GNL2: variants seen among roughly 807,000 people sequenced by gnomAD.
GNL2 encodes G protein nucleolar 2.
A neutral mutation model predicts 92.3 loss-of-function variants in GNL2; 51 were observed. The observed-to-expected ratio is 0.55, with a 90% CI of 0.44 to 0.70. GNL2 has a LOEUF of 0.70. Ranked by LOEUF, GNL2 falls within the 30% of genes least tolerant of loss-of-function variation. The probability of loss-of-function intolerance (pLI) is 0.00; values close to 1 mark genes in which losing one functional copy is unlikely to be tolerated. For synonymous variants in GNL2, 283 were observed against 300.6 expected, an observed-to-expected ratio of 0.94 and a Z score of 0.61; for missense variants, 844 against 895.6, an observed-to-expected ratio of 0.94 and a Z score of 0.74.
chr1:37,571,488 G>A (rs1557637462), intron 12 of GNL2, among the ~76,000 whole-genome samples: 3 of 152,132 alleles, frequency 2.0e-5, no homozygotes, highest in African/African-American at 7.2e-5. Flanking sequence ...AGAGAAACGG[G>A]ATCTGCATGA....
chr1:37,582,654 G>A, intron 7 of GNL2, 124 bp downstream of exon 7: 1 of 839,814 alleles, frequency 1.2e-6, no homozygotes. Context: ...ACACTTTCGT[G>A]TTTCCAATGA....
chr1:37,587,294 C>CAAA lies in GNL2; in HGVS notation c.569+14_569+16dup. On this transcript the variant is annotated intron_variant, in intron 5 of 15. Coordinates refer to ENST00000373062, the MANE Select transcript of GNL2 (RefSeq NM_013285.3). Reference sequence around the variant, plus strand: ...AAAAAAAAAAACAAAAACAAAGAAGCAAAAAAAAAAATGTACCTCACACCA... The same window carrying CAAA: ...AAAAAAAAAAACAAAAACAAAGAAGCAAAAAAAAAAAAAATGTACCTCACACCA... The CAAA allele has an allele frequency of 4.4e-6, 5 of 1,138,038 alleles. No individual in the cohort carries two copies. Among genetic ancestry groups the CAAA allele is most frequent in the South Asian group, 1.7e-5 (1 of 59,292 alleles). The allele number at this position is 1,138,038 out of a possible 1,614,324, so 70.5% of individuals were successfully genotyped here. A position where few individuals can be genotyped will look rare whatever the true frequency, so the allele number is the denominator to read the frequency against.
chr1:37,568,182 G>C, intron 14 of GNL2, 93 bp downstream of exon 14: 1 of 755,914 alleles, frequency 1.3e-6, no homozygotes, highest in East Asian at 2.5e-5. Flanking sequence ...ACATTTATGT[G>C]GATGACTGAG....
chr1:37,577,213 G>A (rs1643692280), intron 8 of GNL2, among the ~76,000 whole-genome samples: 1 of 151,958 alleles, frequency 6.6e-6, no homozygotes. Flanking sequence ...ATATGAACAG[G>A]TTCATCAACT....
Position 37,575,532 on chromosome 1 carries a change from C to T in GNL2, c.1143+63G>A, listed in dbSNP as rs950853116. 1.1e-6 allele frequency: 1 copy of T among 932,844 alleles called. No individual in the cohort carries two copies. The allele number at this position is 932,844 out of a possible 1,614,324, so 57.8% of individuals were successfully genotyped here. ...CTTAATAAGTAAAAAGGAAAGGTATCCAGGGTTCCCTATAGAACACTCCCC... is the reference window on the plus strand; with the variant it reads ...CTTAATAAGTAAAAAGGAAAGGTATTCAGGGTTCCCTATAGAACACTCCCC... On this transcript the variant is annotated intron_variant, in intron 10 of 15. Transcript: ENST00000373062. This position sits in a 1 kb window ranked among gnomAD's most constrained non-coding sequence, Gnocchi z 4.1.
rs1643669698 is a variant in GNL2 at position 37,575,868 on chromosome 1, A to G, written c.1039-169T>C. On this transcript the variant is annotated intron_variant, in intron 9 of 15. Transcript: ENST00000373062. This position sits in a 1 kb window ranked among gnomAD's most constrained non-coding sequence, Gnocchi z 4.1. Reference sequence around the variant, plus strand: ...CTCTCTCATCTGTGCCGTGCACAAGATACTTCCACTAAGTGTAAACTATAG... The same window carrying G: ...CTCTCTCATCTGTGCCGTGCACAAGGTACTTCCACTAAGTGTAAACTATAG... 6.6e-6 allele frequency among the ~76,000 whole-genome samples: 1 copy of G among 152,242 alleles called. No homozygotes were observed. The highest frequency in any genetic ancestry group is 2.4e-5 in the African/African-American group (1 of 41,450).
chr1:37,575,763 CCT>C lies in GNL2; in HGVS notation c.1039-66_1039-65del. The C allele has an allele frequency of 1.0e-6, 1 of 998,180 alleles. No homozygotes were observed. Among genetic ancestry groups the C allele is most frequent in the Non-Finnish European group, 1.5e-6 (1 of 656,182 alleles). 61.8% of individuals were successfully genotyped at this position (998,180 alleles called of 1,614,324 possible). A position where few individuals can be genotyped will look rare whatever the true frequency, so the allele number is the denominator to read the frequency against. On this transcript the variant is annotated intron_variant, in intron 9 of 15. Transcript: ENST00000373062. The surrounding 1 kb of genome is among the most constrained non-coding windows in gnomAD (Gnocchi z 4.1). ...CACTAAGAGTCTAATTTCACAAACC[CCT>C]GATGCTCATGTATGAAGCTGGAAAG...
At chr1:37,586,600 C>CA (rs1643853768) in intron 5 of GNL2, among the ~76,000 whole-genome samples, 1 of 152,214 alleles carries the variant, frequency 6.6e-6, no homozygotes, top group Non-Finnish European at 1.5e-5. Flanking sequence ...TCCATTAACT[C>CA]AGAGACCTCC....
chr1:37,593,228 C>T (rs1332489632), intron 2 of GNL2, among the ~76,000 whole-genome samples: 1 of 152,168 alleles, frequency 6.6e-6, no homozygotes, highest in Non-Finnish European at 1.5e-5. Flanking sequence ...AGTTCTTTGA[C>T]ATTTGTATTT....
intron 7 of GNL2, 126 bp downstream of exon 7, chr1:37,582,652 G>T: frequency 1.2e-6 from 1 of 818,416 alleles, no homozygotes; most frequent in Non-Finnish European, 1.9e-6. Context: ...GCACACTTTC[G>T]TGTTTCCAAT....
intron 1 of GNL2, 27 bp from the exon 2 acceptor site, chr1:37,593,873 A>G: frequency 6.5e-7 from 1 of 1,531,932 alleles, no homozygotes; most frequent in Non-Finnish European, 9.0e-7. Flanking sequence ...TACACAGTGC[A>G]CTATTTGATA....
chr1:37,568,898 A>G lies in GNL2; in HGVS notation c.1821T>C (p.Tyr607=). ...CTTTGGCTTTGTCTAGAAACTTCTG[A>G]TATTTGGCAATCTTCTCATCCAGTG... is the stretch of plus-strand genomic sequence containing the variant. The part of the protein sequence containing the change: ...IKALDEKIAK[Y]QKFLDKAKAK... The change falls in exon 13 of 16, where the codon TAT becomes TAC. Residue 607 remains tyrosine, a synonymous_variant. Transcript: ENST00000373062. 1 of 1,614,126 alleles carries G rather than the reference A, an allele frequency of 6.2e-7. No homozygotes were observed. Among genetic ancestry groups the G allele is most frequent in the Non-Finnish European group, 8.5e-7 (1 of 1,180,014 alleles).
At position 37,575,842 on chromosome 1, in the gene GNL2, A is replaced by T; in HGVS notation, c.1039-143T>A. 1 of 580,772 alleles carries T rather than the reference A, an allele frequency of 1.7e-6. No homozygotes were observed. Among genetic ancestry groups the T allele is most frequent in the Non-Finnish European group, 3.0e-6 (1 of 329,380 alleles). The allele number at this position is 580,772 out of a possible 1,614,324, so 36.0% of individuals were successfully genotyped here. A position where few individuals can be genotyped will look rare whatever the true frequency, so the allele number is the denominator to read the frequency against. ...AACGCGCTAAGTAATTAAGCTACTA[A>T]CTCTCTCATCTGTGCCGTGCACAAG... On this transcript the variant is annotated intron_variant, in intron 9 of 15. Coordinates refer to ENST00000373062, the MANE Select transcript of GNL2 (RefSeq NM_013285.3). This position sits in a 1 kb window ranked among gnomAD's most constrained non-coding sequence, Gnocchi z 4.1.
chr1:37,573,439 C>T (rs1643626112), intron 12 of GNL2, among the ~76,000 whole-genome samples: 1 of 152,328 alleles, frequency 6.6e-6, no homozygotes. Flanking sequence ...CTTGTGGCGG[C>T]CCACTGCCAG....
Position 37,593,794 on chromosome 1 carries a change from C to A in GNL2, c.117G>T (p.Arg39=). The A allele has an allele frequency of 6.2e-7, 1 of 1,614,094 alleles. No homozygotes were observed. Among genetic ancestry groups the A allele is most frequent in the Non-Finnish European group, 8.5e-7 (1 of 1,179,986 alleles). ...GQNMRDRATI[R]RLNMYRQKER... is the part of the protein sequence containing the mutation. The stretch of plus-strand genomic sequence containing the variant: ...CCTTTTGCCTATACATATTCAGGCG[C>A]CGGATGGTGGCCCGGTCCCTCATGT... Residue 39 remains arginine, a synonymous_variant, in exon 2 of 16, where the codon CGG becomes CGT. Transcript: ENST00000373062.
intron 5 of GNL2, among the ~76,000 whole-genome samples, chr1:37,586,258 C>G (rs1330472720): frequency 6.6e-6 from 1 of 152,198 alleles, no homozygotes; most frequent in Non-Finnish European, 1.5e-5. Flanking sequence ...TTCTGAGTAG[C>G]TGGGACTCTA....
At chr1:37,582,394 G>T in intron 7 of GNL2, 58 bp from the exon 8 acceptor site, 1 of 978,154 alleles carries the variant, frequency 1.0e-6, no homozygotes, top group Non-Finnish European at 1.6e-6. Flanking sequence ...TACATTATGT[G>T]GAAGAATCAG....
At chr1:37,582,085 T>G in intron 8 of GNL2, 138 bp downstream of exon 8, 1 of 567,540 alleles carries the variant, frequency 1.8e-6, no homozygotes, top group Non-Finnish European at 3.1e-6. Flanking sequence ...CTCAGCGTCC[T>G]GAGTAGCTAG....
At chr1:37,580,941 G>A (rs1426087258) in intron 8 of GNL2, among the ~76,000 whole-genome samples, 1 of 152,184 alleles carries the variant, frequency 6.6e-6, no homozygotes, top group Non-Finnish European at 1.5e-5. Flanking sequence ...TGTTAGAGTG[G>A]CCACCCTGCA....
Sources: gnomAD v4.1 joint callset for allele counts (sites outside exome capture counted in the v4.1 genomes callset) on GRCh38, gnomAD v4.1.1 for gene constraint, Gnocchi (gnomAD v3.1) non-coding constraint, MANE v1.5 for transcripts, NCBI Gene and HGNC (gene_info 2026-07-23, HGNC 2026-07-21) for gene names.